GPC3: variants seen among roughly 807,000 people sequenced by gnomAD.
GPC3 encodes glypican 3, also known as glypican-3.
In GPC3, 3 loss-of-function variants were observed where a neutral mutation model predicts 34.4. The observed-to-expected ratio is 0.09, with a 90% CI of 0.04 to 0.23. GPC3 has a LOEUF of 0.23. Ranked by LOEUF, GPC3 falls within the 10% of genes least tolerant of loss-of-function variation. The probability of loss-of-function intolerance (pLI) is 1.00; values close to 1 mark genes in which losing one functional copy is unlikely to be tolerated. For missense variants in GPC3, 351 were observed against 445.6 expected, an observed-to-expected ratio of 0.79 and a Z score of 1.91; for synonymous variants, 177 against 174.0, an observed-to-expected ratio of 1.02 and a Z score of -0.13.
At chrX:133,725,611 A>G (rs886562370) in intron 3 of GPC3, among the ~76,000 whole-genome samples, 1 of 111,879 alleles carries the variant, frequency 8.9e-6, no homozygotes, top group Admixed American at 9.5e-5. Flanking sequence ...CCTCAAAGAC[A>G]TAGGTCTAGA....
intron 7 of GPC3, among the ~76,000 whole-genome samples, chrX:133,544,115 C>T (rs2069363210): frequency 9.0e-6 from 1 of 111,526 alleles, no homozygotes; most frequent in South Asian, 3.8e-4. Context: ...CTTGTAGTTC[C>T]AGCTACTTGG....
intron 1 of GPC3, among the ~76,000 whole-genome samples, chrX:133,959,715 T>C (rs2076433923): frequency 8.9e-6 from 1 of 112,564 alleles, no homozygotes; most frequent in Admixed American, 9.4e-5. Flanking sequence ...ACAAAGTAAA[T>C]ATTCAATATG....
chrX:133,649,970 T>C (rs1417007381), intron 6 of GPC3, among the ~76,000 whole-genome samples: 1 of 111,647 alleles, frequency 9.0e-6, no homozygotes, highest in Non-Finnish European at 1.9e-5. Flanking sequence ...CAGTGTCACT[T>C]GTAACTGTGA....
At chrX:133,719,758 A>G (rs2071345733) in intron 3 of GPC3, among the ~76,000 whole-genome samples, 1 of 112,815 alleles carries the variant, frequency 8.9e-6, no homozygotes, top group Admixed American at 9.3e-5. Context: ...CAAAATAAAT[A>G]ATCAGCAGAA....
intron 7 of GPC3, among the ~76,000 whole-genome samples, chrX:133,571,019 A>G (rs997882482): frequency 1.5e-4 from 17 of 112,166 alleles, no homozygotes; most frequent in African/African-American, 5.5e-4. Flanking sequence ...TGGCATAAGT[A>G]TCATGAGAAT....
At chrX:133,864,390 G>A (rs2124570166) in intron 2 of GPC3, among the ~76,000 whole-genome samples, 1 of 111,829 alleles carries the variant, frequency 8.9e-6, no homozygotes, top group African/African-American at 3.2e-5. Context: ...TATTTGGTAT[G>A]TGTTCCTGGA....
At chrX:133,746,252 T>G (rs1376374104) in intron 3 of GPC3, among the ~76,000 whole-genome samples, 2 of 112,320 alleles carry the variant, frequency 1.8e-5, no homozygotes, top group African/African-American at 6.5e-5. Context: ...TTCACAGCTC[T>G]TGAGGATGTG....
chrX:133,598,084 G>C (rs2069938327), intron 6 of GPC3, among the ~76,000 whole-genome samples: 4 of 112,247 alleles, frequency 3.6e-5, no homozygotes, highest in African/African-American at 1.3e-4. Flanking sequence ...AATTATAACT[G>C]AGAAATTTTA....
intron 2 of GPC3, among the ~76,000 whole-genome samples, chrX:133,934,237 C>A: frequency 9.3e-6 from 1 of 107,628 alleles, no homozygotes; most frequent in Middle Eastern, 4.7e-3. Context: ...GCTCTTGTTG[C>A]CAAGGCTGGA....
At chrX:133,983,683 T>C (rs1403965240) in intron 1 of GPC3, among the ~76,000 whole-genome samples, 1 of 111,542 alleles carries the variant, frequency 9.0e-6, no homozygotes, top group East Asian at 2.8e-4. Flanking sequence ...AATTTTTACA[T>C]TACCAACAAA....
intron 5 of GPC3, among the ~76,000 whole-genome samples, chrX:133,679,194 G>GAGAT (rs1364118323): frequency 1.8e-5 from 2 of 111,373 alleles, no homozygotes; most frequent in African/African-American, 6.5e-5. Context: ...TGTACAGAGA[G>GAGAT]AGATACTCAG....
chrX:133,574,698 A>G (rs1392839492), intron 7 of GPC3, among the ~76,000 whole-genome samples: 1 of 112,468 alleles, frequency 8.9e-6, no homozygotes, highest in Non-Finnish European at 1.9e-5. Context: ...GTATTTAACT[A>G]GATCAGATCT....
intron 2 of GPC3, among the ~76,000 whole-genome samples, chrX:133,916,696 C>G (rs2091058627): frequency 9.0e-6 from 1 of 111,136 alleles, no homozygotes; most frequent in African/African-American, 3.3e-5. Flanking sequence ...CTGGGTAACA[C>G]AGGAAGACCC....
At chrX:133,916,563 T>C (rs2076226044) in intron 2 of GPC3, among the ~76,000 whole-genome samples, 2 of 111,924 alleles carry the variant, frequency 1.8e-5, no homozygotes, top group South Asian at 7.5e-4. Flanking sequence ...TAGTCTGGCT[T>C]ATCAAGACTT....
At chrX:133,838,467 T>C (rs990860469) in intron 2 of GPC3, among the ~76,000 whole-genome samples, 1 of 112,659 alleles carries the variant, frequency 8.9e-6, no homozygotes, top group African/African-American at 3.2e-5. Flanking sequence ...ACACATTAAC[T>C]TGACATTTGG....
chrX:133,678,647 T>C (rs1044802509), intron 5 of GPC3, among the ~76,000 whole-genome samples: 9 of 111,876 alleles, frequency 8.0e-5, no homozygotes, highest in Non-Finnish European at 1.3e-4. Flanking sequence ...TGTTCGAGAT[T>C]ACTATTTGTT....
intron 6 of GPC3, among the ~76,000 whole-genome samples, chrX:133,649,876 T>C (rs2070580630): frequency 9.0e-6 from 1 of 111,684 alleles, no homozygotes; most frequent in Non-Finnish European, 1.9e-5. Context: ...ACAAATTCCA[T>C]AGTTCTTTGA....
chrX:133,668,731 TA>T (rs2070795658), intron 5 of GPC3, among the ~76,000 whole-genome samples: 1 of 111,353 alleles, frequency 9.0e-6, no homozygotes, highest in Non-Finnish European at 1.9e-5. Flanking sequence ...ACAGAGAAGG[TA>T]GGTCACTTGC....
chrX:133,548,398 A>G (rs897697593), intron 7 of GPC3, among the ~76,000 whole-genome samples: 3 of 111,228 alleles, frequency 2.7e-5, no homozygotes, highest in Non-Finnish European at 5.6e-5. Flanking sequence ...ATCAGCCACA[A>G]TGGATCTTAC....
Sources: allele counts gnomAD v4.1 joint callset (sites outside exome capture counted in the v4.1 genomes callset), GRCh38; gene constraint gnomAD v4.1.1; transcripts MANE v1.5; gene names NCBI Gene and HGNC (gene_info 2026-07-23, HGNC 2026-07-21).